The following TP63 variants were observed in gnomAD, a reference collection of about 807,000 sequenced individuals.
The protein encoded by TP63 is tumor protein p63.
In TP63, 17 loss-of-function variants were observed where a neutral mutation model predicts 82.8. That is an observed-to-expected ratio of 0.21 (90% confidence interval 0.14 to 0.31). The LOEUF is 0.31. TP63 is among the 10% of genes least tolerant of loss of function. The probability of loss-of-function intolerance (pLI) is 1.00; values close to 1 mark genes in which losing one functional copy is unlikely to be tolerated. For synonymous variants in TP63, 330 were observed against 321.7 expected, an observed-to-expected ratio of 1.03 and a Z score of -0.28; for missense variants, 648 against 895.3, an observed-to-expected ratio of 0.72 and a Z score of 3.52.
At chr3:189,755,175 G>A (rs993453093) in intron 3 of TP63, among the ~76,000 whole-genome samples, 1 of 152,092 alleles carries the variant, frequency 6.6e-6, no homozygotes, top group African/African-American at 2.4e-5. Context: ...GTTTCATTCA[G>A]AGTTACTGGT....
intron 10 of TP63, among the ~76,000 whole-genome samples, chr3:189,876,308 C>T (rs1373203794): frequency 1.3e-5 from 2 of 152,122 alleles, no homozygotes; most frequent in African/African-American, 4.8e-5. Context: ...TTTTTCTATA[C>T]GATGAGTATC....
chr3:189,603,747 T>G, the TP63 span, among the ~76,000 whole-genome samples: 3 of 151,222 alleles, frequency 2.0e-5, no homozygotes, highest in Non-Finnish European at 4.4e-5. Flanking sequence ...ACCTATATAG[T>G]TTTACCTTTA....
intron 3 of TP63, among the ~76,000 whole-genome samples, chr3:189,761,023 A>G (rs1337955278): frequency 6.6e-6 from 1 of 152,198 alleles, no homozygotes; most frequent in Non-Finnish European, 1.5e-5. Flanking sequence ...CCAAGTCCCT[A>G]GGCTGCACAC....
intron 1 of TP63, among the ~76,000 whole-genome samples, chr3:189,684,701 G>A (rs1268514150): frequency 6.6e-6 from 1 of 150,748 alleles, no homozygotes; most frequent in African/African-American, 2.4e-5. Context: ...TGCAATCTCG[G>A]CTCACTGCAA....
chr3:189,710,026 G>A (rs888866526), intron 1 of TP63, among the ~76,000 whole-genome samples: 12 of 152,092 alleles, frequency 7.9e-5, no homozygotes, highest in Non-Finnish European at 1.6e-4. Context: ...GCAAAAATAG[G>A]GGGTTGTGTA....
At chr3:189,822,409 A>G (rs1356597137) in intron 4 of TP63, among the ~76,000 whole-genome samples, 2 of 152,166 alleles carry the variant, frequency 1.3e-5, no homozygotes, top group Non-Finnish European at 2.9e-5. Context: ...AGCCATCCTG[A>G]GGGTTTAATC....
At position 189,737,844 on chromosome 3, in the gene TP63, A is replaced by G; in HGVS notation, c.167A>G (p.Gln56Arg). Reference sequence around the variant, plus strand: ...GAATTCCTCAGTCCAGAGGTTTTCCAGCATATCTGGGATTTTCTGGAACAG... The same window carrying G: ...GAATTCCTCAGTCCAGAGGTTTTCCGGCATATCTGGGATTTTCTGGAACAG... ...TNEFLSPEVF[Q>R]HIWDFLEQPI... The change falls in exon 2 of 14, where the codon CAG becomes CGG. Residue 56 changes from glutamine to arginine, a missense_variant. Gln to Arg is a conservative substitution (Grantham distance 43, BLOSUM62 1). Around this residue, in one of 5 missense-constraint regions of TP63, gnomAD observed 182 missense variants for 213.6 expected, o/e 0.85. Transcript: ENST00000264731. 6.2e-7 allele frequency: 1 copy of G among 1,613,956 alleles called. No homozygotes were observed. Among genetic ancestry groups the G allele is most frequent in the Non-Finnish European group, 8.5e-7 (1 of 1,179,848 alleles).
intron 4 of TP63, among the ~76,000 whole-genome samples, chr3:189,849,302 C>T (rs889230631): frequency 2.6e-5 from 4 of 152,118 alleles, no homozygotes; most frequent in Non-Finnish European, 1.5e-5. Context: ...TCATGGAAAA[C>T]CCAATTTGAA....
chr3:189,620,506 C>CAAAAAAAAAAAAAAAAAAA, the TP63 span, among the ~76,000 whole-genome samples: 2 of 68,988 alleles, frequency 2.9e-5, 1 homozygote. Flanking sequence ...AAGACTCCAT[C>CAAAAAAAAAAAAAAAAAAA]AAAAAAAAAA....
At chr3:189,671,735 C>T (rs1037721475) in intron 1 of TP63, among the ~76,000 whole-genome samples, 1 of 152,004 alleles carries the variant, frequency 6.6e-6, no homozygotes, top group Non-Finnish European at 1.5e-5. Context: ...TGGTCATTCA[C>T]AGCAACATGG....
At chr3:189,621,326 T>C in the TP63 span, among the ~76,000 whole-genome samples, 1 of 152,164 alleles carries the variant, frequency 6.6e-6, no homozygotes, top group Non-Finnish European at 1.5e-5. Context: ...TTCTATTAGA[T>C]GATTTATTTT....
chr3:189,816,795 T>C (rs1034493348), intron 4 of TP63, among the ~76,000 whole-genome samples: 3 of 152,306 alleles, frequency 2.0e-5, no homozygotes, highest in Admixed American at 1.3e-4. Context: ...GTAAAGGTAA[T>C]GATCTTAGTA....
intron 3 of TP63, among the ~76,000 whole-genome samples, chr3:189,785,685 G>A (rs536923099): frequency 6.6e-6 from 1 of 152,150 alleles, no homozygotes; most frequent in South Asian, 2.1e-4. Flanking sequence ...TAAGGAAAGT[G>A]AAGCTGAAAT....
intron 1 of TP63, among the ~76,000 whole-genome samples, chr3:189,706,343 G>A (rs149711739): frequency 3.3e-5 from 5 of 151,818 alleles, no homozygotes; most frequent in South Asian, 4.2e-4. Flanking sequence ...TGCAACCTCC[G>A]CCTCCTGGGT....
chr3:189,813,803 C>G (rs1355551990), intron 4 of TP63, among the ~76,000 whole-genome samples: 4 of 152,018 alleles, frequency 2.6e-5, no homozygotes, highest in Non-Finnish European at 4.4e-5. Context: ...CTTTTTTTCT[C>G]TCATAATTAA....
intron 4 of TP63, among the ~76,000 whole-genome samples, chr3:189,842,666 T>C (rs1036529705): frequency 6.6e-6 from 1 of 152,224 alleles, no homozygotes; most frequent in South Asian, 2.1e-4. Flanking sequence ...GAGGGAAAAC[T>C]AACTGCAGTT....
intron 3 of TP63, among the ~76,000 whole-genome samples, chr3:189,767,858 A>G (rs1415663557): frequency 6.6e-6 from 1 of 152,188 alleles, no homozygotes; most frequent in Non-Finnish European, 1.5e-5. Flanking sequence ...GATTGTAGTC[A>G]TGAATTCTCT....
intron 1 of TP63, among the ~76,000 whole-genome samples, chr3:189,703,347 G>T (rs907238336): frequency 6.6e-6 from 1 of 152,084 alleles, no homozygotes; most frequent in Non-Finnish European, 1.5e-5. Context: ...GGCAGGAGGA[G>T]ACTGGGAGGT....
At chr3:189,825,646 A>G (rs1014246715) in intron 4 of TP63, among the ~76,000 whole-genome samples, 1 of 152,206 alleles carries the variant, frequency 6.6e-6, no homozygotes, top group Non-Finnish European at 1.5e-5. Flanking sequence ...CATGATTTTT[A>G]ATTGTGTCTT....
Sources: allele counts gnomAD v4.1 joint callset (sites outside exome capture counted in the v4.1 genomes callset), GRCh38; gene constraint gnomAD v4.1.1; regional missense constraint gnomAD v4.1.1; transcripts MANE v1.5; gene names NCBI Gene and HGNC (gene_info 2026-07-23, HGNC 2026-07-21).